The following TSPAN2 variants were observed in gnomAD, a reference collection of about 807,000 sequenced individuals.
TSPAN2 encodes tetraspanin 2, also known as tetraspanin-2.
TSPAN2 carries 24 observed loss-of-function variants against 33.3 expected under a neutral mutation model. That is an observed-to-expected ratio of 0.72 (90% CI 0.52 to 1.01). The LOEUF is 1.01. TSPAN2 is among the 50% of genes least tolerant of loss of function. The pLI is 0.00. For synonymous variants in TSPAN2, 114 were observed against 104.5 expected, an observed-to-expected ratio of 1.09 and a Z score of -0.56; for missense variants, 278 against 281.3, an observed-to-expected ratio of 0.99 and a Z score of 0.08.
chr1:115,061,710 CGCCCA>C (rs1162197121), intron 3 of TSPAN2, among the ~76,000 whole-genome samples: 3 of 152,012 alleles, frequency 2.0e-5, no homozygotes, highest in African/African-American at 7.3e-5. Context: ...TTTGCTCTGT[CGCCCA>C]GGTTGGAGTG....
At chr1:115,069,424 T>C (rs1266329108) in intron 2 of TSPAN2, among the ~76,000 whole-genome samples, 1 of 151,858 alleles carries the variant, frequency 6.6e-6, no homozygotes, top group African/African-American at 2.4e-5. Flanking sequence ...CCAACGAGAG[T>C]TAGGCCTGGG....
chr1:115,057,526 T>C lies in TSPAN2; in HGVS notation c.516+11A>G. The C allele has an allele frequency of 6.2e-7, 1 of 1,613,706 alleles. No individual in the cohort carries two copies. Among genetic ancestry groups the C allele is most frequent in the Non-Finnish European group, 8.5e-7 (1 of 1,179,626 alleles). ...ACTACAGGTAGAGTAAGAACCTTGG[T>C]AGAAGCTTACCTTGTGTCCTAGAAG... On this transcript the variant is annotated intron_variant, in intron 6 of 7. Coordinates refer to ENST00000369516, the MANE Select transcript of TSPAN2 (RefSeq NM_005725.6).
chr1:115,058,809 G>A (rs905391608), intron 5 of TSPAN2, 74 bp downstream of exon 5: 12 of 1,236,808 alleles, frequency 9.7e-6, no homozygotes, highest in Non-Finnish European at 1.3e-5. Flanking sequence ...TTTTAATCCT[G>A]GTGATTGGTG....
chr1:115,089,415 C>G lies in TSPAN2; in HGVS notation c.18G>C (p.Gly6=). The change falls in exon 1 of 8, where the codon GGG becomes GGC. Residue 6 remains glycine (G), a synonymous_variant. Transcript: ENST00000369516. MGRFR[G]GLRCIKYLLL... ...GCAGGTACTTGATGCACCGCAGGCC[C>G]CCGCGGAAGCGCCCCATGCTGCGGC... is the stretch of plus-strand genomic sequence containing the variant. 6.3e-7 allele frequency: 1 copy of G among 1,586,144 alleles called. No homozygotes were observed. Among genetic ancestry groups the G allele is most frequent in the Non-Finnish European group, 8.6e-7 (1 of 1,168,022 alleles).
chr1:115,084,599 A>C (rs778752285), intron 1 of TSPAN2, among the ~76,000 whole-genome samples: 5 of 152,222 alleles, frequency 3.3e-5, no homozygotes, highest in Non-Finnish European at 7.3e-5. Context: ...GACAAAAATC[A>C]GAAATGAAGA....
chr1:115,064,653 A>G (rs1647872127), intron 2 of TSPAN2, among the ~76,000 whole-genome samples: 1 of 152,242 alleles, frequency 6.6e-6, no homozygotes, highest in Non-Finnish European at 1.5e-5. Flanking sequence ...ATTAGTAGAT[A>G]AGACAGAGAA....
chr1:115,068,085 G>C (rs1213245572), intron 2 of TSPAN2, among the ~76,000 whole-genome samples: 1 of 152,192 alleles, frequency 6.6e-6, no homozygotes, highest in East Asian at 1.9e-4. Flanking sequence ...TCTACCCTTA[G>C]CAACCAGTGG....
chr1:115,059,846 A>T (rs1174470165), intron 4 of TSPAN2, among the ~76,000 whole-genome samples: 1 of 152,246 alleles, frequency 6.6e-6, no homozygotes, highest in Non-Finnish European at 1.5e-5. Flanking sequence ...GAAACATAAT[A>T]TTAATGACAC....
intron 2 of TSPAN2, among the ~76,000 whole-genome samples, chr1:115,065,019 T>A (rs1427216517): frequency 6.6e-6 from 1 of 152,164 alleles, no homozygotes; most frequent in Non-Finnish European, 1.5e-5. Context: ...TCTTAGGCTA[T>A]CAGAATCCCA....
chr1:115,066,742 A>G (rs1647966522), intron 2 of TSPAN2, among the ~76,000 whole-genome samples: 1 of 152,156 alleles, frequency 6.6e-6, no homozygotes, highest in Non-Finnish European at 1.5e-5. Flanking sequence ...CCCTGAATGC[A>G]TATAATAATG....
intron 5 of TSPAN2, 139 bp downstream of exon 5, chr1:115,058,744 C>A: frequency 1.3e-6 from 1 of 741,028 alleles, no homozygotes; most frequent in Non-Finnish European, 2.4e-6. Context: ...AAACTGTGGC[C>A]CTCAAAAGGG....
At chr1:115,060,393 C>T in intron 4 of TSPAN2, 71 bp downstream of exon 4, 2 of 1,248,614 alleles carry the variant, frequency 1.6e-6, no homozygotes, top group Non-Finnish European at 1.2e-6. Context: ...GGTTTCTTAA[C>T]ACTATTGTGG....
At chr1:115,073,157 C>T in intron 1 of TSPAN2, 150 bp from the exon 2 acceptor site, 1 of 684,884 alleles carries the variant, frequency 1.5e-6, no homozygotes, top group South Asian at 1.7e-5. Flanking sequence ...AAAATGAAGG[C>T]TCAGAGAGGT....
intron 5 of TSPAN2, chr1:115,058,476 C>T (rs1279274063): frequency 4.1e-6 from 1 of 241,598 alleles, no homozygotes; most frequent in East Asian, 1.5e-4. Flanking sequence ...GTAACTTGCT[C>T]AAGGTCACAA....
At chr1:115,062,012 G>A in intron 3 of TSPAN2, 123 bp downstream of exon 3, 1 of 747,668 alleles carries the variant, frequency 1.3e-6, no homozygotes, top group Non-Finnish European at 2.2e-6. Flanking sequence ...GAGGAAAAGT[G>A]CATGCCAAGG....
In TSPAN2 at chr1:115,050,388, T is replaced by C. The variant is rs1472736755; in HGVS notation, c.*102A>G. 9.4e-7 allele frequency: 1 copy of C among 1,066,710 alleles called. No homozygotes were observed. Among genetic ancestry groups the C allele is most frequent in the African/African-American group, 1.6e-5 (1 of 63,544 alleles). 66.1% of individuals were successfully genotyped at this position (1,066,710 alleles called of 1,614,324 possible). A position where few individuals can be genotyped will look rare whatever the true frequency, so the allele number is the denominator to read the frequency against. On this transcript the variant is annotated 3_prime_UTR_variant, in exon 8 of 8. Coordinates refer to ENST00000369516, the MANE Select transcript of TSPAN2 (RefSeq NM_005725.6). ...AATGTACAATTGACAGCAAATTATT[T>C]TAGATCCTAATGTCATTTCAGTGTT...
chr1:115,073,259 G>C (rs1648258352), intron 1 of TSPAN2, among the ~76,000 whole-genome samples: 1 of 152,198 alleles, frequency 6.6e-6, no homozygotes, highest in African/African-American at 2.4e-5. Flanking sequence ...ATGATGCCAG[G>C]CTGCCCTGTG....
rs116569193 is a variant in TSPAN2 at position 115,051,323 on chromosome 1, G to A, written c.601-768C>T. On this transcript the variant is annotated intron_variant, in intron 7 of 7. Coordinates refer to ENST00000369516, the MANE Select transcript of TSPAN2 (RefSeq NM_005725.6). ...CTCACAAAAAAAGAAAAAAAAAGTGGAGCATCACTTCATTCTCAGTCCATT... is the reference window on the plus strand; with the variant it reads ...CTCACAAAAAAAGAAAAAAAAAGTGAAGCATCACTTCATTCTCAGTCCATT... Among the ~76,000 whole-genome samples, 588 of 152,136 alleles carry A rather than the reference G, an allele frequency of 3.9e-3. 4 individuals carry two copies. The highest frequency in any genetic ancestry group is 0.014 in the African/African-American group (562 of 41,508).
At chr1:115,052,751 G>T (rs1211354464) in intron 7 of TSPAN2, among the ~76,000 whole-genome samples, 1 of 152,186 alleles carries the variant, frequency 6.6e-6, no homozygotes, top group Non-Finnish European at 1.5e-5. Flanking sequence ...GGTAGATTAT[G>T]CAGAGAGCTG....
Sources: allele counts gnomAD v4.1 joint callset (sites outside exome capture counted in the v4.1 genomes callset), GRCh38; gene constraint gnomAD v4.1.1; transcripts MANE v1.5; gene names NCBI Gene and HGNC (gene_info 2026-07-23, HGNC 2026-07-21).